PRKCH: variants seen among roughly 807,000 people sequenced by gnomAD.
PRKCH encodes protein kinase C eta type.
A neutral mutation model predicts 82.5 loss-of-function variants in PRKCH; 28 were observed. That is an observed-to-expected ratio of 0.34 (90% CI 0.25 to 0.47). PRKCH has a LOEUF of 0.47. PRKCH is among the 20% of genes least tolerant of loss of function. The pLI, the probability that PRKCH is intolerant of heterozygous loss-of-function variation, is 1.00. For missense variants in PRKCH, 705 were observed against 881.8 expected (o/e 0.80, Z 2.54); for synonymous variants, 322 against 327.4 (o/e 0.98, Z 0.18).
At chr14:61,252,156 A>G (rs1276467650) in intron 1 of PRKCH, among the ~76,000 whole-genome samples, 1 of 151,970 alleles carries the variant, frequency 6.6e-6, no homozygotes, top group Admixed American at 6.6e-5. Context: ...TATTTTTAAC[A>G]TGTCTTTTTT....
chr14:61,311,505 C>T (rs2045523567), intron 1 of PRKCH, among the ~76,000 whole-genome samples: 1 of 152,180 alleles, frequency 6.6e-6, no homozygotes, highest in African/African-American at 2.4e-5. Flanking sequence ...CCAAACTATC[C>T]CATATCTTCC....
chr14:61,449,044 TG>T, intron 4 of PRKCH, 119 bp from the exon 5 acceptor site: 1 of 820,698 alleles, frequency 1.2e-6, no homozygotes, highest in Non-Finnish European at 2.0e-6. Context: ...CACCAGCTGC[TG>T]TCAAGGGGGC....
intron 10 of PRKCH, among the ~76,000 whole-genome samples, chr14:61,508,473 A>G (rs907521271): frequency 4.6e-5 from 7 of 152,168 alleles, no homozygotes; most frequent in Non-Finnish European, 7.3e-5. Context: ...AGGCCATCTT[A>G]CTGACAGCAA....
chr14:61,332,084 A>G lies in PRKCH; in HGVS notation c.363+9620A>G, dbSNP rs865838887. On this transcript the variant is annotated intron_variant, in intron 1 of 13. Coordinates refer to ENST00000332981, the MANE Select transcript of PRKCH (RefSeq NM_006255.5). ...ACGGCAAGTCAGAGAGAGACTGAGA[A>G]TCCCACTGTTTTGCTAGAAGCCATT... Among the ~76,000 whole-genome samples, 3 of 152,320 alleles carry G rather than the reference A, an allele frequency of 2.0e-5. No individual in the cohort carries two copies. In the South Asian group the frequency reaches 6.2e-4, roughly 32 times the overall value.
intron 1 of PRKCH, chr14:61,279,148 G>C (rs1594887631): frequency 6.6e-6 from 1 of 152,136 alleles, no homozygotes; most frequent in East Asian, 1.9e-4. Flanking sequence ...TCACATTTTC[G>C]AGTTTCTACA....
chr14:61,195,834 G>A (rs1877799011), intron 1 of PRKCH, among the ~76,000 whole-genome samples: 1 of 152,034 alleles, frequency 6.6e-6, no homozygotes, highest in Admixed American at 6.6e-5. Context: ...CTTCTTATAA[G>A]GACACTAATC....
chr14:61,413,082 G>C (rs1242204569), intron 2 of PRKCH, among the ~76,000 whole-genome samples: 1 of 152,046 alleles, frequency 6.6e-6, no homozygotes, highest in Non-Finnish European at 1.5e-5. Context: ...AGTATCCTCA[G>C]CTACCATCCT....
At chr14:61,229,835 C>G (rs1017490881) in intron 1 of PRKCH, among the ~76,000 whole-genome samples, 8 of 152,128 alleles carry the variant, frequency 5.3e-5, no homozygotes, top group African/African-American at 1.7e-4. Flanking sequence ...AAGGATCAAG[C>G]CAGGTTAACA....
rs1359733155 is a variant in PRKCH, at chr14:61,321,856, C to T, written c.-246C>T. 7.2e-6 allele frequency: 3 copies of T among 414,648 alleles called. No individual in the cohort carries two copies. The highest frequency in any genetic ancestry group is 4.4e-6 in the Non-Finnish European group (1 of 227,626). The allele number at this position is 414,648 out of a possible 1,614,324, so 25.7% of individuals were successfully genotyped here. A position where few individuals can be genotyped will look rare whatever the true frequency, so the allele number is the denominator to read the frequency against. On this transcript the variant is annotated 5_prime_UTR_variant, in exon 1 of 14. Transcript: ENST00000332981. The surrounding 1 kb of genome is among the most constrained non-coding windows in gnomAD (Gnocchi z 4.1). Reference sequence around the variant, plus strand: ...CGCGCGCTTGGAAGGGACGGTCGGGCTTCCCCGGCCCGCTGAGGGCTCGGC... The same window carrying T: ...CGCGCGCTTGGAAGGGACGGTCGGGTTTCCCCGGCCCGCTGAGGGCTCGGC...
At chr14:61,297,428 C>T (rs1188707390) in intron 1 of PRKCH, among the ~76,000 whole-genome samples, 2 of 152,182 alleles carry the variant, frequency 1.3e-5, no homozygotes, top group South Asian at 2.1e-4. Flanking sequence ...GTTCCTTCAC[C>T]TCCACTTCAG....
intron 2 of PRKCH, among the ~76,000 whole-genome samples, chr14:61,422,134 A>G (rs1882868745): frequency 6.6e-6 from 1 of 152,086 alleles, no homozygotes; most frequent in Non-Finnish European, 1.5e-5. Flanking sequence ...CCCAGGCTGG[A>G]GTACAGTGGC....
chr14:61,503,523 A>G (rs577632698), intron 10 of PRKCH, among the ~76,000 whole-genome samples: 1 of 152,304 alleles, frequency 6.6e-6, no homozygotes, highest in African/African-American at 2.4e-5. Flanking sequence ...TTTAAGAAAT[A>G]GGACTCTGTT....
At chr14:61,466,535 A>G (rs1311309500) in intron 9 of PRKCH, among the ~76,000 whole-genome samples, 1 of 152,084 alleles carries the variant, frequency 6.6e-6, no homozygotes, top group Non-Finnish European at 1.5e-5. Context: ...CTATCACAGG[A>G]AGGGGGAGCA....
At chr14:61,450,747 G>T in intron 5 of PRKCH, 95 bp from the exon 6 acceptor site, 2 of 1,444,814 alleles carry the variant, frequency 1.4e-6, no homozygotes, top group Non-Finnish European at 1.9e-6. Context: ...AGGTGTCATA[G>T]TGACACTTTG....
intron 10 of PRKCH, among the ~76,000 whole-genome samples, chr14:61,495,470 C>A (rs1482490432): frequency 6.6e-6 from 1 of 152,124 alleles, no homozygotes; most frequent in Non-Finnish European, 1.5e-5. Context: ...GATTTATTTG[C>A]TGAACAAGAA....
chr14:61,512,278 AG>A (rs367997291), intron 10 of PRKCH, among the ~76,000 whole-genome samples: 113 of 137,596 alleles, frequency 8.2e-4, no homozygotes, highest in African/African-American at 3.0e-3. Flanking sequence ...TTTTTAAAGC[AG>A]GGCTCAGAAG....
chr14:61,507,470 A>G (rs962257332), intron 10 of PRKCH, among the ~76,000 whole-genome samples: 21 of 152,214 alleles, frequency 1.4e-4, no homozygotes, highest in African/African-American at 4.6e-4. Context: ...GATCTCAGAG[A>G]TGTCTGCACT....
intron 1 of PRKCH, among the ~76,000 whole-genome samples, chr14:61,337,067 CAAAAAAAAAAAAA>C (rs3028726): frequency 5.4e-5 from 3 of 55,088 alleles, no homozygotes; most frequent in African/African-American, 2.3e-4. Flanking sequence ...CAGTCTGTCT[CAAAAAAAAAAAAA>C]AAAAAAAAAA....
intron 1 of PRKCH, among the ~76,000 whole-genome samples, chr14:61,227,095 T>C (rs951429841): frequency 9.2e-5 from 14 of 152,164 alleles, no homozygotes; most frequent in Admixed American, 9.2e-4. Context: ...GACAAGTGAT[T>C]TATTGATTTT....
Sources: gnomAD v4.1 joint callset for allele counts (sites outside exome capture counted in the v4.1 genomes callset) on GRCh38, gnomAD v4.1.1 for gene constraint, Gnocchi (gnomAD v3.1) non-coding constraint, MANE v1.5 for transcripts, NCBI Gene and HGNC (gene_info 2026-07-23, HGNC 2026-07-21) for gene names.